IL1RAPL1: variants seen among roughly 807,000 people sequenced by gnomAD.
IL1RAPL1 encodes interleukin-1 receptor accessory protein-like 1.
IL1RAPL1 carries 3 observed loss-of-function variants against 48.4 expected under a neutral mutation model. That is an observed-to-expected ratio of 0.06 (90% CI 0.03 to 0.16). IL1RAPL1 has a LOEUF of 0.16. Among genes scored for constraint, IL1RAPL1 ranks in the 10% least tolerant of loss-of-function variants. The pLI is 1.00. For missense variants in IL1RAPL1, 349 were observed against 530.6 expected, an observed-to-expected ratio of 0.66 and a Z score of 3.36; for synonymous variants, 185 against 187.7, an observed-to-expected ratio of 0.99 and a Z score of 0.12.
At chrX:29,124,317 G>A (rs963227896) in intron 2 of IL1RAPL1, among the ~76,000 whole-genome samples, 4 of 112,003 alleles carry the variant, frequency 3.6e-5, no homozygotes, top group Non-Finnish European at 7.5e-5. Flanking sequence ...CCTGCCCTCT[G>A]GCCTATTCTA....
chrX:29,654,737 C>T (rs1298913036), intron 5 of IL1RAPL1, among the ~76,000 whole-genome samples: 1 of 111,613 alleles, frequency 9.0e-6, no homozygotes, highest in Non-Finnish European at 1.9e-5. Context: ...CATAAAGACA[C>T]AGATCACCAA....
At chrX:28,631,157 T>A (rs1215923879) in intron 1 of IL1RAPL1, among the ~76,000 whole-genome samples, 2 of 111,814 alleles carry the variant, frequency 1.8e-5, no homozygotes, top group African/African-American at 6.5e-5. Context: ...TGGGCTTGTC[T>A]GCCACAGATA....
intron 2 of IL1RAPL1, among the ~76,000 whole-genome samples, chrX:29,069,670 C>CA (rs59221015): frequency 2.9e-5 from 3 of 105,173 alleles, no homozygotes; most frequent in South Asian, 4.2e-4. Flanking sequence ...CACACACACA[C>CA]CCCTCCCCTT....
At chrX:29,888,025 T>C (rs1405126241) in intron 6 of IL1RAPL1, among the ~76,000 whole-genome samples, 1 of 111,827 alleles carries the variant, frequency 8.9e-6, no homozygotes, top group Non-Finnish European at 1.9e-5. Context: ...TTCACTGTAA[T>C]AATTCTGTCG....
At chrX:29,147,028 G>C (rs1314000107) in intron 2 of IL1RAPL1, among the ~76,000 whole-genome samples, 1 of 112,366 alleles carries the variant, frequency 8.9e-6, no homozygotes, top group African/African-American at 3.2e-5. Flanking sequence ...TTTGGTATAA[G>C]ATGGGCCATA....
intron 2 of IL1RAPL1, among the ~76,000 whole-genome samples, chrX:29,187,003 T>G (rs1013978762): frequency 9.0e-6 from 1 of 110,850 alleles, no homozygotes. Flanking sequence ...TCAGGAAGAA[T>G]AGCTAATAGA....
intron 2 of IL1RAPL1, among the ~76,000 whole-genome samples, chrX:29,104,278 T>C (rs760050918): frequency 1.8e-5 from 2 of 111,690 alleles, no homozygotes; most frequent in East Asian, 5.6e-4. Context: ...CACAATGGAG[T>C]ACTATTCAGC....
rs1180782978 is a variant in IL1RAPL1, at chrX:28,960,205, A to T, written c.82+170780A>T. Among the ~76,000 whole-genome samples the T allele has an allele frequency of 2.7e-5, 3 of 111,802 alleles. No individual in the cohort carries two copies. The East Asian group carries it at 8.4e-4, about 31-fold the overall frequency. On this transcript the variant is annotated intron_variant, in intron 2 of 10. Transcript: ENST00000378993. ...GATCGTAGATTCCTGCTAAAATCTC[A>T]CATGACCTCAGTTCCTATTACTCAT...
chrX:29,862,437 A>G (rs778160965), intron 6 of IL1RAPL1, among the ~76,000 whole-genome samples: 1 of 111,388 alleles, frequency 9.0e-6, no homozygotes, highest in East Asian at 2.8e-4. Flanking sequence ...AGGTGGCTGT[A>G]TTCAGCTGTA....
rs185868239 is a variant in IL1RAPL1 at position 29,292,558 on chromosome X, A to G, written c.362+9341A>G. Among the ~76,000 whole-genome samples, 7 of 112,213 alleles carry G rather than the reference A, an allele frequency of 6.2e-5. No individual in the cohort carries two copies. The East Asian group carries it at 1.9e-3, about 31-fold the overall frequency. Reference sequence around the variant, plus strand: ...TCAAGTCATTCTTGAATCAAAGGATATATAATGTCAGCATTATTTTAGAAA... The same window carrying G: ...TCAAGTCATTCTTGAATCAAAGGATGTATAATGTCAGCATTATTTTAGAAA... On this transcript the variant is annotated intron_variant, in intron 3 of 10. Coordinates refer to ENST00000378993, the MANE Select transcript of IL1RAPL1 (RefSeq NM_014271.4).
rs767960726 is a variant in IL1RAPL1, at chrX:29,111,930, T to C, written c.83-171008T>C. ...TAGGTTGTATTTTCACTTTTCTTTT[T>C]TTTTTTTTTTTTTTTTTGAGACGGC... On this transcript the variant is annotated intron_variant, in intron 2 of 10. Coordinates refer to ENST00000378993, the MANE Select transcript of IL1RAPL1 (RefSeq NM_014271.4). 5.9e-3 allele frequency among the ~76,000 whole-genome samples: 517 copies of C among 87,944 alleles called. 3 individuals are homozygous for C. Among genetic ancestry groups the C allele is most frequent in the African/African-American group, 0.02 (476 of 23,411 alleles). 76.4% of individuals were successfully genotyped at this position (87,944 alleles called of 115,157 possible).
At chrX:29,353,929 A>G (rs1236817960) in intron 3 of IL1RAPL1, among the ~76,000 whole-genome samples, 1 of 107,309 alleles carries the variant, frequency 9.3e-6, no homozygotes, top group Admixed American at 1.0e-4. Context: ...TGTTTTGCAT[A>G]TAGTTTCTCA....
intron 2 of IL1RAPL1, among the ~76,000 whole-genome samples, chrX:29,128,451 T>G (rs1004751679): frequency 9.0e-6 from 1 of 111,495 alleles, no homozygotes; most frequent in African/African-American, 3.3e-5. Context: ...TTTCCTTTGC[T>G]TGGCTCGCCT....
chrX:28,899,256 C>T (rs1034636251), intron 2 of IL1RAPL1, among the ~76,000 whole-genome samples: 1 of 111,471 alleles, frequency 9.0e-6, no homozygotes, highest in Non-Finnish European at 1.9e-5. Flanking sequence ...TCTCCTTTCA[C>T]ATGTGGGGAT....
intron 3 of IL1RAPL1, among the ~76,000 whole-genome samples, chrX:29,379,740 C>A (rs1246769923): frequency 1.8e-5 from 2 of 111,952 alleles, no homozygotes; most frequent in Non-Finnish European, 3.8e-5. Flanking sequence ...GTCACATTTC[C>A]ATCCACTCTT....
At chrX:29,691,772 A>AAG (rs34962805) in intron 6 of IL1RAPL1, among the ~76,000 whole-genome samples, 2,370 of 89,946 alleles carry the variant, frequency 0.026, 166 homozygotes, top group Admixed American at 0.097. Flanking sequence ...AAAAAAAAAA[A>AAG]CTCACTATAC....
chrX:29,446,008 A>G lies in IL1RAPL1; in HGVS notation c.703+46700A>G, dbSNP rs1934607511. Among the ~76,000 whole-genome samples, 3 of 112,481 alleles carry G rather than the reference A, an allele frequency of 2.7e-5. No individual in the cohort carries two copies. The Admixed American group carries it at 2.8e-4, about 11-fold the overall frequency. On this transcript the variant is annotated intron_variant, in intron 5 of 10. Transcript: ENST00000378993. ...ATAATTCTAGTACACGACATACTGT[A>G]GAAAACTGCTCAAATTGAGAGAAAA...
At chrX:28,968,425 C>T (rs982268030) in intron 2 of IL1RAPL1, among the ~76,000 whole-genome samples, 4 of 111,335 alleles carry the variant, frequency 3.6e-5, no homozygotes, top group African/African-American at 1.3e-4. Context: ...TCTGGTCCCG[C>T]CACTTCCAGA....
intron 2 of IL1RAPL1, among the ~76,000 whole-genome samples, chrX:29,104,459 G>C (rs1397733211): frequency 9.0e-6 from 1 of 111,048 alleles, no homozygotes; most frequent in African/African-American, 3.3e-5. Context: ...TAGAATGATG[G>C]TTACCAGATA....
Sources: allele counts gnomAD v4.1 joint callset (sites outside exome capture counted in the v4.1 genomes callset), GRCh38; gene constraint gnomAD v4.1.1; transcripts MANE v1.5; gene names NCBI Gene and HGNC (gene_info 2026-07-23, HGNC 2026-07-21).